The following ERICH1 variants were observed in gnomAD, a reference collection of about 807,000 sequenced individuals.
The protein encoded by ERICH1 is glutamate rich 1.
A neutral mutation model predicts 39.6 loss-of-function variants in ERICH1; 56 were observed. The ratio of observed to expected loss-of-function variants is 1.41; its 90% CI spans 1.14 to 1.77. The LOEUF (loss-of-function observed/expected upper bound fraction) is 1.77. ERICH1 is among the 40% of genes most tolerant of loss of function. The pLI, the probability that ERICH1 is intolerant of heterozygous loss-of-function variation, is 0.00. For synonymous variants in ERICH1, 313 were observed against 223.6 expected, an observed-to-expected ratio of 1.40 and a Z score of -3.57; for missense variants, 826 against 575.4, an observed-to-expected ratio of 1.44 and a Z score of -4.45.
At chr8:623,122 TAC>T (rs769432213) in intron 3 of ERICH1, among the ~76,000 whole-genome samples, 113 of 152,048 alleles carry the variant, frequency 7.4e-4, no homozygotes, top group Non-Finnish European at 1.4e-3. Context: ...AAAAGAAAAC[TAC>T]AGACTAATAT....
intron 3 of ERICH1, among the ~76,000 whole-genome samples, chr8:679,092 C>T (rs1036590753): frequency 1.3e-5 from 2 of 151,086 alleles, no homozygotes; most frequent in African/African-American, 2.4e-5. Flanking sequence ...AGTGACCCCT[C>T]ACAGCTCCGA....
chr8:674,775 C>A (rs184837844), intron 3 of ERICH1, among the ~76,000 whole-genome samples: 1 of 152,308 alleles, frequency 6.6e-6, no homozygotes, highest in African/African-American at 2.4e-5. Flanking sequence ...CCATCTGAGT[C>A]AGCATCAGGT....
intron 2 of ERICH1, among the ~76,000 whole-genome samples, chr8:699,272 G>A (rs1006040299): frequency 6.6e-6 from 1 of 152,148 alleles, no homozygotes; most frequent in African/African-American, 2.4e-5. Context: ...ATGGATAACT[G>A]GCAAAATGCT....
At chr8:628,734 T>C (rs1158573042) in intron 3 of ERICH1, among the ~76,000 whole-genome samples, 2 of 152,158 alleles carry the variant, frequency 1.3e-5, no homozygotes, top group Non-Finnish European at 2.9e-5. Flanking sequence ...TCCCCACCCA[T>C]ACCCTCACGT....
At chr8:681,919 A>C (rs1806213180) in intron 3 of ERICH1, among the ~76,000 whole-genome samples, 2 of 152,060 alleles carry the variant, frequency 1.3e-5, no homozygotes, top group Non-Finnish European at 2.9e-5. Context: ...TCCTCACCCC[A>C]CCACGCCTCG....
At chr8:714,914 G>C (rs1014094066) in intron 2 of ERICH1, among the ~76,000 whole-genome samples, 1 of 152,100 alleles carries the variant, frequency 6.6e-6, no homozygotes, top group Admixed American at 6.5e-5. Context: ...ACCTCTTCCT[G>C]CATCTCTCGG....
intron 3 of ERICH1, among the ~76,000 whole-genome samples, chr8:690,617 T>A (rs542728151): frequency 5.2e-4 from 79 of 152,342 alleles, no homozygotes; most frequent in Admixed American, 2.0e-3. Flanking sequence ...GCACCAGGTA[T>A]GCCACCCCTG....
chr8:713,733 G>A (rs1258341690), intron 2 of ERICH1, among the ~76,000 whole-genome samples: 2 of 152,298 alleles, frequency 1.3e-5, no homozygotes, highest in East Asian at 1.9e-4. Context: ...CCTGCCTGCT[G>A]AGATCCTGGT....
intron 1 of ERICH1, among the ~76,000 whole-genome samples, chr8:720,285 C>T (rs555855678): frequency 6.6e-6 from 1 of 152,254 alleles, no homozygotes; most frequent in East Asian, 1.9e-4. Context: ...ACACCTGCCC[C>T]ACGCCAGCGT....
At chr8:640,357 T>C (rs1798847307) in intron 3 of ERICH1, among the ~76,000 whole-genome samples, 1 of 152,214 alleles carries the variant, frequency 6.6e-6, no homozygotes, top group African/African-American at 2.4e-5. Flanking sequence ...CGCCTGCTTA[T>C]GTTTTTTTCT....
rs1585523076 is a variant in ERICH1, at chr8:705,931, T to G, written c.169+9930A>C. ...TCACCGTACGTTTTTAATGTTTGGATGCTGAAAGGCTGGCTGCATATAGGA... is the reference window on the plus strand; with the variant it reads ...TCACCGTACGTTTTTAATGTTTGGAGGCTGAAAGGCTGGCTGCATATAGGA... On this transcript the variant is annotated intron_variant, in intron 2 of 5. Coordinates refer to ENST00000262109, the MANE Select transcript of ERICH1 (RefSeq NM_207332.3). Among the ~76,000 whole-genome samples the G allele has an allele frequency of 2.0e-5, 3 of 152,306 alleles. No homozygotes were observed. In the South Asian group the frequency reaches 6.2e-4, roughly 32 times the overall value.
intron 3 of ERICH1, among the ~76,000 whole-genome samples, chr8:655,401 G>C (rs748538687): frequency 4.6e-5 from 7 of 152,216 alleles, no homozygotes; most frequent in Non-Finnish European, 7.3e-5. Context: ...TGTAATAGGA[G>C]TCTCACTCGT....
chr8:673,356 A>G lies in ERICH1; in HGVS notation c.996T>C (p.Ile332=), dbSNP rs1370817300. ...GAATACTGTGTGCCTTTTCATTGGTAATTGTATCATCTTCCTCGCTGGCGT... is the reference window on the plus strand; with the variant it reads ...GAATACTGTGTGCCTTTTCATTGGTGATTGTATCATCTTCCTCGCTGGCGT... ...GADASEEDDT[I]TNEKAHSILN... Residue 332 remains isoleucine, a synonymous_variant, in exon 4 of 6, where the codon ATT becomes ATC. Coordinates refer to ENST00000262109, the MANE Select transcript of ERICH1 (RefSeq NM_207332.3). 2 of 1,613,422 alleles carry G rather than the reference A, an allele frequency of 1.2e-6. No individual in the cohort carries two copies. Among genetic ancestry groups the G allele is most frequent in the Admixed American group, 3.3e-5 (2 of 60,008 alleles).
intron 3 of ERICH1, among the ~76,000 whole-genome samples, chr8:619,061 C>T (rs773677720): frequency 4.6e-5 from 7 of 152,078 alleles, no homozygotes; most frequent in African/African-American, 7.2e-5. Flanking sequence ...GGCATTTCAG[C>T]CTCAGCCCTC....
chr8:655,324 C>A (rs551056490), intron 3 of ERICH1, among the ~76,000 whole-genome samples: 1 of 152,340 alleles, frequency 6.6e-6, no homozygotes, highest in Admixed American at 6.5e-5. Context: ...GTAAGCAAAT[C>A]CAACACGGCA....
intron 3 of ERICH1, among the ~76,000 whole-genome samples, chr8:650,743 G>C (rs1048288648): frequency 1.1e-4 from 17 of 152,196 alleles, no homozygotes; most frequent in African/African-American, 3.6e-4. Context: ...GCTGATAAAA[G>C]GGTCTCTTCT....
In ERICH1 at chr8:724,708, T is replaced by G. The variant is rs530182302; in HGVS notation, c.22+6432A>C. On this transcript the variant is annotated intron_variant, in intron 1 of 5. Transcript: ENST00000262109. ...AATATTGTTATTTTTTCCACTTTCATTAAACATTGGCTTTTTCCTTAGATA... is the reference window on the plus strand; with the variant it reads ...AATATTGTTATTTTTTCCACTTTCAGTAAACATTGGCTTTTTCCTTAGATA... Among the ~76,000 whole-genome samples the G allele has an allele frequency of 2.2e-4, 34 of 152,338 alleles. 1 individual carries two copies. The Middle Eastern group carries it at 0.01, about 46-fold the overall frequency.
At chr8:633,301 A>G (rs1431633855) in intron 3 of ERICH1, among the ~76,000 whole-genome samples, 4 of 152,220 alleles carry the variant, frequency 2.6e-5, no homozygotes, top group Non-Finnish European at 4.4e-5. Context: ...CAGCATTGCC[A>G]TAACAAAAAA....
chr8:677,332 G>A (rs1805082161), intron 3 of ERICH1, among the ~76,000 whole-genome samples: 1 of 152,224 alleles, frequency 6.6e-6, no homozygotes, highest in Admixed American at 6.5e-5. Context: ...TGACATTGCT[G>A]CCGCTTTGTG....
Sources: allele counts gnomAD v4.1 joint callset (sites outside exome capture counted in the v4.1 genomes callset), GRCh38; gene constraint gnomAD v4.1.1; transcripts MANE v1.5; gene names NCBI Gene and HGNC (gene_info 2026-07-23, HGNC 2026-07-21).